AMZ1: variants seen among roughly 807,000 people sequenced by gnomAD.
AMZ1 encodes the protein archaemetzincin-1.
AMZ1 carries 39 observed loss-of-function variants against 29.9 expected under a neutral mutation model. That is an observed-to-expected ratio of 1.30 (90% CI 1.01 to 1.70). The LOEUF (loss-of-function observed/expected upper bound fraction) is 1.70, where lower values mean the gene tolerates loss of function less well. Ranked by LOEUF, AMZ1 falls within the 40% of genes most tolerant of loss-of-function variation. AMZ1 has a pLI of 0.00. For synonymous variants in AMZ1, 458 were observed against 304.0 expected (o/e 1.51, Z -5.27); for missense variants, 1,041 against 680.6 (o/e 1.53, Z -5.89).
chr7:2,709,062 C>T lies in AMZ1; in HGVS notation c.602-13C>T, dbSNP rs780317642. 2.9e-5 allele frequency: 45 copies of T among 1,563,362 alleles called. No homozygotes were observed. The South Asian group carries it at 5.0e-4, about 17-fold the overall frequency. On this transcript the variant is annotated splice_polypyrimidine_tract_variant and intron_variant, in intron 4 of 6. Coordinates refer to ENST00000683327, the MANE Select transcript of AMZ1 (RefSeq NM_001384743.1). ...TGACCCCTGAGAGTGCCCTTCTCTC[C>T]ATCTCTCTCCAGAAGTGGGCGTCTG...
chr7:2,699,990 CTG>C lies in AMZ1; in HGVS notation c.-218-241_-218-240del, dbSNP rs1055506734. Among the ~76,000 whole-genome samples, 4 of 152,288 alleles carry C rather than the reference CTG, an allele frequency of 2.6e-5. No individual in the cohort carries two copies. The East Asian group carries it at 7.7e-4, about 29-fold the overall frequency. On this transcript the variant is annotated intron_variant, in intron 1 of 6. Coordinates refer to ENST00000683327, the MANE Select transcript of AMZ1 (RefSeq NM_001384743.1). ...GGATGAGGGAAGCTTCTGGAAGAGACTGTGACCGTCCCCTGGGTGGCCCATGG... is the reference window on the plus strand; with the variant it reads ...GGATGAGGGAAGCTTCTGGAAGAGACTGACCGTCCCCTGGGTGGCCCATGG...
intron 4 of AMZ1, among the ~76,000 whole-genome samples, chr7:2,737,997 G>C (rs972320941): frequency 6.6e-6 from 1 of 152,156 alleles, no homozygotes; most frequent in Non-Finnish European, 1.5e-5. Flanking sequence ...GAGATTAAAT[G>C]ATACCACAGC....
At chr7:2,743,650 T>A (rs1174745666) in intron 4 of AMZ1, among the ~76,000 whole-genome samples, 1 of 152,014 alleles carries the variant, frequency 6.6e-6, no homozygotes, top group Admixed American at 6.6e-5. Flanking sequence ...CCAACTGAGG[T>A]ACCGGGTTCA....
chr7:2,723,675 A>C (rs181802697), downstream of AMZ1, among the ~76,000 whole-genome samples: 13 of 152,252 alleles, frequency 8.5e-5, no homozygotes, highest in Admixed American at 5.9e-4. Flanking sequence ...AGCTTTCCCC[A>C]CAGCTTCAGG....
intron 4 of AMZ1, among the ~76,000 whole-genome samples, chr7:2,742,336 A>G (rs112444287): frequency 1.6e-3 from 249 of 152,264 alleles, no homozygotes; most frequent in African/African-American, 5.6e-3. Flanking sequence ...TTTTTGAAGA[A>G]GAGGGCTGCC....
chr7:2,698,560 C>T (rs1209680927), intron 1 of AMZ1, among the ~76,000 whole-genome samples: 1 of 150,952 alleles, frequency 6.6e-6, no homozygotes, highest in African/African-American at 2.4e-5. Flanking sequence ...GAAGTTGGGG[C>T]TCGGGGGGTC....
At chr7:2,701,503 G>T (rs904905728) in intron 2 of AMZ1, among the ~76,000 whole-genome samples, 1 of 152,198 alleles carries the variant, frequency 6.6e-6, no homozygotes, top group African/African-American at 2.4e-5. Context: ...AGAGTCTGGG[G>T]GACCCAGGGT....
intron 1 of AMZ1, among the ~76,000 whole-genome samples, chr7:2,696,548 C>T (rs867678250): frequency 2.1e-4 from 32 of 151,486 alleles, no homozygotes; most frequent in African/African-American, 2.4e-4. Flanking sequence ...TGAGCCACCG[C>T]ACCTGGCCAA....
rs1178988277 is a variant in AMZ1, at chr7:2,714,178, C to CG, written c.*1304dup. ...CGGAATCCCTTCGGAGTGACGAGGG[C>CG]GGGGTCACAGCTCGCGCACCCTCAT... On this transcript the variant is annotated 3_prime_UTR_variant, in exon 7 of 7. Coordinates refer to ENST00000683327, the MANE Select transcript of AMZ1 (RefSeq NM_001384743.1). The CG allele has an allele frequency of 6.6e-6, 1 of 152,292 alleles. No homozygotes were observed. Among genetic ancestry groups the CG allele is most frequent in the Non-Finnish European group, 1.5e-5 (1 of 68,058 alleles). 9.4% of individuals were successfully genotyped at this position (152,292 alleles called of 1,614,324 possible).
chr7:2,721,036 T>C (rs372192432), downstream of AMZ1, among the ~76,000 whole-genome samples: 12 of 152,334 alleles, frequency 7.9e-5, no homozygotes, highest in East Asian at 1.3e-3. Flanking sequence ...CTGCGGGCTG[T>C]CATCGCTGGC....
chr7:2,720,210 T>G (rs1410857010), downstream of AMZ1, among the ~76,000 whole-genome samples: 1 of 152,126 alleles, frequency 6.6e-6, no homozygotes, highest in Admixed American at 6.5e-5. Flanking sequence ...CCGGTTCATC[T>G]ACCCACGCGG....
At chr7:2,683,818 C>T (rs957261250), upstream of AMZ1, among the ~76,000 whole-genome samples, 3 of 152,036 alleles carry the variant, frequency 2.0e-5, no homozygotes, top group Non-Finnish European at 2.9e-5. Flanking sequence ...CCTCCCACCT[C>T]GGCTTCCCAA....
chr7:2,729,494 T>C (rs1789776470), intron 4 of AMZ1: 1 of 152,382 alleles, frequency 6.6e-6, no homozygotes, highest in Non-Finnish European at 1.5e-5. Context: ...CCTCGAGCAC[T>C]GCGAGAGAGA....
At chr7:2,755,080 G>A (rs1056766660) in intron 4 of AMZ1, among the ~76,000 whole-genome samples, 3 of 152,122 alleles carry the variant, frequency 2.0e-5, no homozygotes, top group Non-Finnish European at 2.9e-5. Flanking sequence ...GCAATCAGTC[G>A]GGCGTGCTGG....
In AMZ1 at chr7:2,712,833, C is replaced by G. The variant is rs1464706555; in HGVS notation, c.1452C>G (p.Ala484=). The change falls in exon 7 of 7, where the codon GCC becomes GCG. Residue 484 remains alanine, a synonymous_variant. Coordinates refer to ENST00000683327, the MANE Select transcript of AMZ1 (RefSeq NM_001384743.1). ...LRRKLSARKL[A]RAESAPRPWD... ...GGAAGCTGAGTGCCCGAAAACTCGCCAGAGCAGAGTCGGCCCCCCGTCCCT... is the reference window on the plus strand; with the variant it reads ...GGAAGCTGAGTGCCCGAAAACTCGCGAGAGCAGAGTCGGCCCCCCGTCCCT... 5 of 1,534,540 alleles carry G rather than the reference C, an allele frequency of 3.3e-6. No homozygotes were observed. Among genetic ancestry groups the G allele is most frequent in the Non-Finnish European group, 4.4e-6 (5 of 1,139,584 alleles).
chr7:2,710,454 A>G (rs1237210737), intron 6 of AMZ1, among the ~76,000 whole-genome samples: 1 of 152,252 alleles, frequency 6.6e-6, no homozygotes, highest in Non-Finnish European at 1.5e-5. Context: ...GCACCAGAGC[A>G]GTCAATGAAA....
chr7:2,734,423 T>C (rs1790054421), intron 4 of AMZ1, among the ~76,000 whole-genome samples: 1 of 152,172 alleles, frequency 6.6e-6, no homozygotes, highest in East Asian at 1.9e-4. Flanking sequence ...TCAGGGCTTG[T>C]GGGAAGAGCA....
intron 3 of AMZ1, among the ~76,000 whole-genome samples, chr7:2,705,096 G>A (rs1317093681): frequency 6.6e-6 from 1 of 152,166 alleles, no homozygotes; most frequent in Admixed American, 6.5e-5. Context: ...TGTTAGTTAC[G>A]CATCTTATTG....
At chr7:2,764,244 CTTTTTTT>C (rs35992308), upstream of AMZ1, among the ~76,000 whole-genome samples, 5 of 139,342 alleles carry the variant, frequency 3.6e-5, no homozygotes, top group African/African-American at 1.1e-4. Flanking sequence ...CAGCTAATTT[CTTTTTTT>C]TTTTTTTTTT....
Sources: allele counts gnomAD v4.1 joint callset (sites outside exome capture counted in the v4.1 genomes callset), GRCh38; gene constraint gnomAD v4.1.1; transcripts MANE v1.5; gene names NCBI Gene and HGNC (gene_info 2026-07-23, HGNC 2026-07-21).